ENTPD1: variants seen among roughly 807,000 people sequenced by gnomAD.
ENTPD1 encodes ectonucleoside triphosphate diphosphohydrolase 1.
ENTPD1 carries 33 observed loss-of-function variants against 57.0 expected under a neutral mutation model. The ratio of observed to expected loss-of-function variants is 0.58; its 90% confidence interval spans 0.44 to 0.77. The LOEUF is 0.77. ENTPD1 is among the 30% of genes least tolerant of loss of function. The pLI is 0.00. For synonymous variants in ENTPD1, 202 were observed against 218.8 expected (o/e 0.92, Z 0.68); for missense variants, 501 against 603.4 (o/e 0.83, Z 1.78).
intron 1 of ENTPD1, among the ~76,000 whole-genome samples, chr10:95,807,372 A>G (rs1324451335): frequency 1.3e-5 from 2 of 152,222 alleles, no homozygotes; most frequent in South Asian, 2.1e-4. Flanking sequence ...AGAAAAGCAC[A>G]GTATTTGGGT....
chr10:95,871,668 G>T lies in ENTPD1; in HGVS notation c.*5285G>T. On this transcript the variant is annotated 3_prime_UTR_variant, in exon 10 of 10. Transcript: ENST00000371205. ...TGAAGATTGCTATGTCTTTTGCATT[G>T]CTCTATTTTACATAAATTAAGTTAT... 3.0e-6 allele frequency: 3 copies of T among 985,284 alleles called. No homozygotes were observed. 61.0% of individuals were successfully genotyped at this position (985,284 alleles called of 1,614,324 possible).
chr10:95,705,277 A>ATGTGTGTGTG, the ENTPD1 span, among the ~76,000 whole-genome samples: 30,409 of 149,920 alleles, frequency 0.2, 3,371 homozygotes, highest in East Asian at 0.5. Flanking sequence ...CCAGTAGAAA[A>ATGTGTGTGTG]TGTGTGTGTG....
At position 95,877,105 on chromosome 10, in the gene ENTPD1, G is replaced by T. The variant is rs1372121848; in HGVS notation, c.*10722G>T. Reference sequence around the variant, plus strand: ...TCTTTAAATTACAAAGTTAAAATTTGGGAGTAGTAGAAAATCAATTGGTTA... The same window carrying T: ...TCTTTAAATTACAAAGTTAAAATTTTGGAGTAGTAGAAAATCAATTGGTTA... On this transcript the variant is annotated 3_prime_UTR_variant, in exon 10 of 10. Coordinates refer to ENST00000371205, the MANE Select transcript of ENTPD1 (RefSeq NM_001776.6). Among the ~76,000 whole-genome samples the T allele has an allele frequency of 6.6e-6, 1 of 152,164 alleles. No homozygotes were observed. The highest frequency in any genetic ancestry group is 2.4e-5 in the African/African-American group (1 of 41,430).
chr10:95,724,566 G>A (rs554381747), intron 1 of ENTPD1, among the ~76,000 whole-genome samples: 1 of 152,194 alleles, frequency 6.6e-6, no homozygotes, highest in Non-Finnish European at 1.5e-5. Flanking sequence ...CCAGCGACTA[G>A]TGTTCAGCTC....
intron 1 of ENTPD1, among the ~76,000 whole-genome samples, chr10:95,715,434 T>C (rs537028507): frequency 3.9e-5 from 6 of 152,186 alleles, no homozygotes; most frequent in Non-Finnish European, 8.8e-5. Context: ...CTGTATATTT[T>C]AAACTAAACT....
At chr10:95,839,529 TG>T in intron 2 of ENTPD1, 161 bp from the exon 3 acceptor site, 1 of 753,524 alleles carries the variant, frequency 1.3e-6, no homozygotes, top group Non-Finnish European at 2.4e-6. Flanking sequence ...GTTGTTGTCC[TG>T]GTAGATCTTG....
At chr10:95,754,909 T>C (rs940630950), upstream of ENTPD1, 2 of 152,268 alleles carry the variant, frequency 1.3e-5, no homozygotes, top group African/African-American at 4.8e-5. Flanking sequence ...TTTGTCCTTA[T>C]TAAAGTATGA....
the ENTPD1 span, among the ~76,000 whole-genome samples, chr10:95,699,964 A>G: frequency 6.6e-6 from 1 of 152,216 alleles, no homozygotes; most frequent in African/African-American, 2.4e-5. Context: ...AGAAGATAAA[A>G]GGTAAAGTTG....
At chr10:95,717,456 T>C (rs912457436) in intron 1 of ENTPD1, among the ~76,000 whole-genome samples, 2 of 152,050 alleles carry the variant, frequency 1.3e-5, no homozygotes, top group African/African-American at 4.8e-5. Flanking sequence ...CCTGGGTTTA[T>C]GTCCTGATCA....
intron 1 of ENTPD1, among the ~76,000 whole-genome samples, chr10:95,769,797 A>G (rs2098107729): frequency 1.3e-5 from 2 of 152,224 alleles, no homozygotes; most frequent in Non-Finnish European, 2.9e-5. Context: ...AATAGAGCCA[A>G]TAAAATCTCC....
chr10:95,727,573 A>G (rs997396169), intron 1 of ENTPD1, among the ~76,000 whole-genome samples: 3 of 152,190 alleles, frequency 2.0e-5, no homozygotes, highest in African/African-American at 2.4e-5. Context: ...TCTACCTCCA[A>G]TCCCACCATT....
At chr10:95,757,032 C>T (rs2098029220) in intron 1 of ENTPD1, among the ~76,000 whole-genome samples, 2 of 152,178 alleles carry the variant, frequency 1.3e-5, no homozygotes, top group Non-Finnish European at 2.9e-5. Flanking sequence ...TGCTTGCCAG[C>T]GTGTGAGAGC....
rs144533450 is a variant in ENTPD1 at position 95,839,582 on chromosome 10, C to T, written c.145-109C>T. 882 of 1,116,234 alleles carry T rather than the reference C, an allele frequency of 7.9e-4. 8 individuals are homozygous for T. The East Asian group carries it at 0.017, about 21-fold the overall frequency. The allele number at this position is 1,116,234 out of a possible 1,614,324, so 69.1% of individuals were successfully genotyped here. A position where few individuals can be genotyped will look rare whatever the true frequency, so the allele number is the denominator to read the frequency against. The stretch of plus-strand genomic sequence containing the variant: ...AGTGCCATCCCCTCAATGTTCCTCT[C>T]AAATACTTTCTCCTCATGTTTTTGA... On this transcript the variant is annotated intron_variant, in intron 2 of 9. Coordinates refer to ENST00000371205, the MANE Select transcript of ENTPD1 (RefSeq NM_001776.6).
intron 1 of ENTPD1, among the ~76,000 whole-genome samples, chr10:95,812,047 T>C (rs768856442): frequency 1.8e-4 from 27 of 152,220 alleles, no homozygotes; most frequent in Non-Finnish European, 2.5e-4. Flanking sequence ...CCTACAAACA[T>C]ACAAGAAGTA....
At chr10:95,712,193 T>G (rs570354108) in intron 1 of ENTPD1, among the ~76,000 whole-genome samples, 10 of 152,356 alleles carry the variant, frequency 6.6e-5, no homozygotes, top group African/African-American at 2.4e-4. Flanking sequence ...TTCGGTCCCT[T>G]TCCTTCCAGA....
chr10:95,868,718 A>C lies in ENTPD1; in HGVS notation c.*2335A>C. On this transcript the variant is annotated 3_prime_UTR_variant, in exon 10 of 10. Transcript: ENST00000371205. The stretch of plus-strand genomic sequence containing the variant: ...ACTCCAACTCATGTCTTCTGGTTGA[A>C]GCCTATTGCTTTTTCTTTTCTAAAC... 2.0e-6 allele frequency: 2 copies of C among 984,486 alleles called. No individual in the cohort carries two copies. The highest frequency in any genetic ancestry group is 2.4e-6 in the Non-Finnish European group (2 of 829,118). The allele number at this position is 984,486 out of a possible 1,614,324, so 61.0% of individuals were successfully genotyped here. A position where few individuals can be genotyped will look rare whatever the true frequency, so the allele number is the denominator to read the frequency against.
Position 95,872,126 on chromosome 10 carries a change from A to G in ENTPD1, c.*5743A>G. 1.0e-6 allele frequency: 1 copy of G among 985,422 alleles called. No homozygotes were observed. Among genetic ancestry groups the G allele is most frequent in the Non-Finnish European group, 1.2e-6 (1 of 829,928 alleles). The allele number at this position is 985,422 out of a possible 1,614,324, so 61.0% of individuals were successfully genotyped here. A position where few individuals can be genotyped will look rare whatever the true frequency, so the allele number is the denominator to read the frequency against. ...CTAATATTACTGTTATTGCTCCAGT[A>G]AAGAGCTGTAATATATTTTACCTGG... On this transcript the variant is annotated 3_prime_UTR_variant, in exon 10 of 10. Transcript: ENST00000371205.
At chr10:95,728,074 C>T (rs1193293673) in intron 1 of ENTPD1, among the ~76,000 whole-genome samples, 1 of 152,126 alleles carries the variant, frequency 6.6e-6, no homozygotes, top group African/African-American at 2.4e-5. Context: ...AAAATAATAG[C>T]TTATTTAGGC....
At position 95,760,814 on chromosome 10, in the gene ENTPD1, CTTTTTTTTTTTTTTTT is replaced by C. The variant is rs71034350; in HGVS notation, c.16+4577_16+4592del. ...TGGAGTAAATTACATAGAGTTTATTCTTTTTTTTTTTTTTTTTTTTTTTTTTTTTTTTTGAGACGGA... is the reference window on the plus strand; with the variant it reads ...TGGAGTAAATTACATAGAGTTTATTCTTTTTTTTTTTTTTTTTGAGACGGA... On this transcript the variant is annotated intron_variant, in intron 1 of 9. Coordinates refer to ENST00000371205, the MANE Select transcript of ENTPD1 (RefSeq NM_001776.6). Among the ~76,000 whole-genome samples the C allele has an allele frequency of 5.1e-4, 32 of 62,972 alleles. 1 individual carries two copies. Among genetic ancestry groups the C allele is most frequent in the East Asian group, 4.0e-3 (6 of 1,512 alleles). The allele number at this position is 62,972 out of a possible 152,430, so 41.3% of individuals were successfully genotyped here.
Sources: gnomAD v4.1 joint callset for allele counts (sites outside exome capture counted in the v4.1 genomes callset) on GRCh38, gnomAD v4.1.1 for gene constraint, MANE v1.5 for transcripts, NCBI Gene and HGNC (gene_info 2026-07-23, HGNC 2026-07-21) for gene names.